Variants in NUTF2 observed in about 807,000 individuals in gnomAD.
The protein encoded by NUTF2 is placental protein 15.
Under a neutral mutation model 18.5 loss-of-function variants are expected in NUTF2, and 3 were observed. That is an observed-to-expected ratio of 0.16 (90% CI 0.07 to 0.42). The LOEUF is 0.42. Ranked by LOEUF, NUTF2 falls within the 10% of genes least tolerant of loss-of-function variation. NUTF2 has a pLI of 0.99. For missense variants in NUTF2, 44 were observed against 160.7 expected (o/e 0.27, Z 3.93); for synonymous variants, 51 against 57.9 (o/e 0.88, Z 0.54).
chr16:67,852,749 G>T (rs1461262636), intron 1 of NUTF2, among the ~76,000 whole-genome samples: 1 of 151,902 alleles, frequency 6.6e-6, no homozygotes, highest in Admixed American at 6.6e-5. Flanking sequence ...GCGTGATCTC[G>T]GCTCACTGCA....
At chr16:67,856,633 G>A (rs967584203) in intron 1 of NUTF2, among the ~76,000 whole-genome samples, 5 of 151,300 alleles carry the variant, frequency 3.3e-5, no homozygotes, top group Admixed American at 3.3e-4. Context: ...CTCAGCATGC[G>A]GAGTAGCTGG....
At chr16:67,863,325 C>G (rs937083753) in intron 1 of NUTF2, among the ~76,000 whole-genome samples, 1 of 152,130 alleles carries the variant, frequency 6.6e-6, no homozygotes, top group African/African-American at 2.4e-5. Flanking sequence ...CTTAGTCATC[C>G]CAGCACTGAG....
In NUTF2 at chr16:67,870,939, T is replaced by TGTTTCCTCCTCCCTCC. The variant is rs1567386609; in HGVS notation, c.*27_*42dup. The TGTTTCCTCCTCCCTCC allele has an allele frequency of 6.7e-7, 1 of 1,490,122 alleles. No homozygotes were observed. The highest frequency in any genetic ancestry group is 1.7e-5 in the Admixed American group (1 of 59,780). 92.3% of individuals were successfully genotyped at this position (1,490,122 alleles called of 1,614,324 possible). ...CCTCCTCTCAGCTAGGCACTCACGCTGTTTCCTCCTCCCTCCTCTTCCCAA... is the reference window on the plus strand; with the variant it reads ...CCTCCTCTCAGCTAGGCACTCACGCTGTTTCCTCCTCCCTCCGTTTCCTCCTCCCTCCTCTTCCCAA... On this transcript the variant is annotated 3_prime_UTR_variant, in exon 5 of 5. Transcript: ENST00000219169.
intron 1 of NUTF2, among the ~76,000 whole-genome samples, chr16:67,857,480 G>A (rs375542615): frequency 1.3e-5 from 2 of 152,260 alleles, no homozygotes; most frequent in East Asian, 3.9e-4. Context: ...GGAGTGGCGG[G>A]CCAGGCAGTT....
At chr16:67,865,340 C>T (rs1353166033) in intron 2 of NUTF2, 111 bp downstream of exon 2, 1 of 704,068 alleles carries the variant, frequency 1.4e-6, no homozygotes, top group Non-Finnish European at 2.5e-6. Context: ...GGCTACACCT[C>T]TGTATCTGAA....
At chr16:67,853,414 G>T (rs1479615417) in intron 1 of NUTF2, among the ~76,000 whole-genome samples, 1 of 152,134 alleles carries the variant, frequency 6.6e-6, no homozygotes, top group Non-Finnish European at 1.5e-5. Flanking sequence ...CTGGAGTGCA[G>T]TGGCACGATC....
At chr16:67,868,011 GAC>G (rs1375056763) in intron 2 of NUTF2, among the ~76,000 whole-genome samples, 4 of 152,186 alleles carry the variant, frequency 2.6e-5, no homozygotes, top group Admixed American at 6.5e-5. Context: ...TTTTGGGACT[GAC>G]ACTGACTGAC....
At chr16:67,851,507 T>G (rs1354759458) in intron 1 of NUTF2, among the ~76,000 whole-genome samples, 1 of 151,856 alleles carries the variant, frequency 6.6e-6, no homozygotes, top group African/African-American at 2.4e-5. Context: ...AGAATTTTGT[T>G]TTTTTTATTA....
rs1301990266 is a variant in NUTF2 at position 67,860,464 on chromosome 16, T to C, written c.-29-4638T>C. Among the ~76,000 whole-genome samples, 9 of 152,104 alleles carry C rather than the reference T, an allele frequency of 5.9e-5. No individual in the cohort carries two copies. The South Asian group carries it at 6.2e-4, about 11-fold the overall frequency. On this transcript the variant is annotated intron_variant, in intron 1 of 4. Coordinates refer to ENST00000219169, the MANE Select transcript of NUTF2 (RefSeq NM_005796.3). Reference sequence around the variant, plus strand: ...TAATTTTTAAAATTTTTTGTAGATATGGGGCTTTGTTGCTGAGGCTGGTCT... The same window carrying C: ...TAATTTTTAAAATTTTTTGTAGATACGGGGCTTTGTTGCTGAGGCTGGTCT...
intron 1 of NUTF2, among the ~76,000 whole-genome samples, chr16:67,850,700 G>T (rs2057848495): frequency 6.6e-6 from 1 of 152,186 alleles, no homozygotes; most frequent in South Asian, 2.1e-4. Flanking sequence ...CTGGCATGCG[G>T]TGGTTGGGAT....
At chr16:67,860,473 G>C (rs1027490011) in intron 1 of NUTF2, among the ~76,000 whole-genome samples, 3 of 152,060 alleles carry the variant, frequency 2.0e-5, no homozygotes, top group Non-Finnish European at 4.4e-5. Flanking sequence ...ATGGGGCTTT[G>C]TTGCTGAGGC....
At chr16:67,862,340 G>T (rs1313854918) in intron 1 of NUTF2, among the ~76,000 whole-genome samples, 1 of 152,188 alleles carries the variant, frequency 6.6e-6, no homozygotes, top group Non-Finnish European at 1.5e-5. Flanking sequence ...ATAAACACAA[G>T]ACAGTGAAGC....
At chr16:67,852,539 G>C (rs2057867856) in intron 1 of NUTF2, among the ~76,000 whole-genome samples, 1 of 151,982 alleles carries the variant, frequency 6.6e-6, no homozygotes, top group Admixed American at 6.5e-5. Context: ...AATATTTCTA[G>C]TAGAGATGGG....
chr16:67,862,322 A>G (rs2057940387), intron 1 of NUTF2, among the ~76,000 whole-genome samples: 1 of 152,152 alleles, frequency 6.6e-6, no homozygotes, highest in Non-Finnish European at 1.5e-5. Flanking sequence ...TGTGATCACT[A>G]CTTGGAAATA....
At chr16:67,869,188 A>G (rs757421067) in intron 4 of NUTF2, among the ~76,000 whole-genome samples, 6 of 151,514 alleles carry the variant, frequency 4.0e-5, no homozygotes, top group Non-Finnish European at 7.4e-5. Context: ...AGTTCAAGCA[A>G]TTCTCCAGCC....
intron 1 of NUTF2, among the ~76,000 whole-genome samples, chr16:67,859,808 T>TC (rs2057922984): frequency 1.5e-5 from 2 of 135,302 alleles, no homozygotes; most frequent in Non-Finnish European, 3.2e-5. Flanking sequence ...TTTTTTTTTT[T>TC]TTTTTTTTTT....
chr16:67,848,365 C>T (rs2056735300), intron 1 of NUTF2, among the ~76,000 whole-genome samples: 2 of 152,182 alleles, frequency 1.3e-5, no homozygotes, highest in Non-Finnish European at 2.9e-5. Flanking sequence ...AGCGGATCAC[C>T]TGAGGTCCGG....
intron 4 of NUTF2, among the ~76,000 whole-genome samples, chr16:67,869,107 G>A (rs1275354281): frequency 4.0e-5 from 6 of 148,692 alleles, no homozygotes; most frequent in African/African-American, 9.9e-5. Context: ...TTTTTGAGAC[G>A]GAGTCTCACT....
At chr16:67,863,698 C>A (rs1025487971) in intron 1 of NUTF2, among the ~76,000 whole-genome samples, 38 of 152,196 alleles carry the variant, frequency 2.5e-4, no homozygotes. Context: ...GGGGTGGAAC[C>A]CACCTCCTCA....
Sources: gnomAD v4.1 joint callset for allele counts (sites outside exome capture counted in the v4.1 genomes callset) on GRCh38, gnomAD v4.1.1 for gene constraint, MANE v1.5 for transcripts, NCBI Gene and HGNC (gene_info 2026-07-23, HGNC 2026-07-21) for gene names.